The following GATB variants were observed in gnomAD, a reference collection of about 807,000 sequenced individuals.
GATB encodes glutamyl-tRNA(Gln) amidotransferase subunit B, mitochondrial.
GATB carries 39 observed loss-of-function variants against 62.3 expected under a neutral mutation model. The ratio of observed to expected loss-of-function variants is 0.63; its 90% CI spans 0.48 to 0.82. GATB has a LOEUF of 0.82. Among genes scored for constraint, GATB ranks in the 40% least tolerant of loss-of-function variants. The pLI is 0.00. For missense variants in GATB, 670 were observed against 684.0 expected (o/e 0.98, Z 0.23); for synonymous variants, 276 against 258.9 (o/e 1.07, Z -0.63).
chr4:151,750,916 G>C (rs1739709701), intron 2 of GATB, among the ~76,000 whole-genome samples: 1 of 151,706 alleles, frequency 6.6e-6, no homozygotes, highest in Non-Finnish European at 1.5e-5. Context: ...TTACAGGCAC[G>C]AGCCACTGTG....
Position 151,716,893 on chromosome 4 carries a change from A to G in GATB, c.623T>C (p.Ile208Thr), listed in dbSNP as rs148297514. The G allele has an allele frequency of 4.3e-6, 7 of 1,614,066 alleles. No homozygotes were observed. The highest frequency in any genetic ancestry group is 2.7e-5 in the African/African-American group (2 of 74,922). The change falls in exon 4 of 13, where the codon ATT becomes ACT. Residue 208 changes from isoleucine (I) to threonine (T), a missense_variant. Coordinates refer to ENST00000263985, the MANE Select transcript of GATB (RefSeq NM_004564.3). The stretch of plus-strand genomic sequence containing the variant: ...AAGCCTACCTGCCCTGTTCAAATCA[A>G]TGAGCGTCTGAGACCTCAGGTTGTC... Reference protein sequence around the residue: ...LHDNLRSQTLIDLNRAGVGLL... With the variant: ...LHDNLRSQTLTDLNRAGVGLL...
chr4:151,722,102 A>G (rs1739043991), intron 2 of GATB: 2 of 670,110 alleles, frequency 3.0e-6, no homozygotes, highest in South Asian at 1.6e-5. Context: ...TGCCAAGAAA[A>G]AAAGGAATTT....
intron 2 of GATB, among the ~76,000 whole-genome samples, chr4:151,732,323 G>C (rs1739285181): frequency 6.6e-6 from 1 of 152,242 alleles, no homozygotes; most frequent in Non-Finnish European, 1.5e-5. Flanking sequence ...GATTGTTGCT[G>C]TGTCTGTGTA....
At chr4:151,706,433 G>T (rs537685702) in intron 6 of GATB, among the ~76,000 whole-genome samples, 1 of 151,940 alleles carries the variant, frequency 6.6e-6, no homozygotes, top group African/African-American at 2.4e-5. Flanking sequence ...CTACCTACAG[G>T]GGGAGGTGGA....
chr4:151,692,923 C>T (rs1321756043), intron 9 of GATB, among the ~76,000 whole-genome samples: 4 of 152,200 alleles, frequency 2.6e-5, no homozygotes, highest in African/African-American at 7.2e-5. Flanking sequence ...CATCTGCAGA[C>T]GGAACCACAG....
At chr4:151,674,477 C>G (rs1186203018) in intron 11 of GATB, 1 of 152,178 alleles carries the variant, frequency 6.6e-6, no homozygotes, top group Non-Finnish European at 1.5e-5. Flanking sequence ...TACACATTCA[C>G]TGCAGAAAAT....
chr4:151,750,161 G>GT (rs1258222975), intron 2 of GATB, among the ~76,000 whole-genome samples: 2 of 152,268 alleles, frequency 1.3e-5, no homozygotes, highest in Non-Finnish European at 2.9e-5. Context: ...GATTATAGGC[G>GT]TGAGCCACCA....
At chr4:151,736,289 A>G (rs116832254) in intron 2 of GATB, among the ~76,000 whole-genome samples, 2,595 of 152,320 alleles carry the variant, frequency 0.017, 34 homozygotes, top group Middle Eastern at 0.027. Context: ...ATATACATGC[A>G]TAATCAAGAG....
At chr4:151,693,399 G>A (rs188022584) in intron 9 of GATB, among the ~76,000 whole-genome samples, 7 of 152,306 alleles carry the variant, frequency 4.6e-5, no homozygotes, top group East Asian at 3.9e-4. Flanking sequence ...ATCTTTCAGC[G>A]AGTGCTCCTG....
Position 151,701,365 on chromosome 4 carries a change from CTGTTGG to C in GATB, c.1155_1160del (p.Gln386_Gln387del). On this transcript the variant is annotated inframe_deletion, in exon 9 of 13. Transcript: ENST00000263985. Reference sequence around the variant, plus strand: ...AGCTGTGTTCCAGCAGCATCCCATACTGTTGGACAAGCTTCTCTCGGGTCACACTGG... The same window carrying C: ...AGCTGTGTTCCAGCAGCATCCCATACACAAGCTTCTCTCGGGTCACACTGG... 1 of 1,588,352 alleles carries C rather than the reference CTGTTGG, an allele frequency of 6.3e-7. No homozygotes were observed. Among genetic ancestry groups the C allele is most frequent in the South Asian group, 1.2e-5 (1 of 86,594 alleles).
At chr4:151,683,670 C>T (rs933484577) in intron 10 of GATB, among the ~76,000 whole-genome samples, 1 of 152,230 alleles carries the variant, frequency 6.6e-6, no homozygotes, top group Non-Finnish European at 1.5e-5. Flanking sequence ...ATATTTGAGG[C>T]TTGGTGAGTG....
intron 2 of GATB, among the ~76,000 whole-genome samples, chr4:151,750,940 T>C (rs2126998452): frequency 6.6e-6 from 1 of 152,156 alleles, no homozygotes; most frequent in East Asian, 1.9e-4. Flanking sequence ...AGCTGCTAAA[T>C]TATATTTCTA....
chr4:151,701,748 A>T (rs1272932901), intron 8 of GATB, among the ~76,000 whole-genome samples: 1 of 152,228 alleles, frequency 6.6e-6, no homozygotes, highest in Non-Finnish European at 1.5e-5. Context: ...TGAAAGAAGC[A>T]CAACACAGGC....
chr4:151,753,276 T>C (rs951754486), intron 2 of GATB, among the ~76,000 whole-genome samples: 6 of 152,180 alleles, frequency 3.9e-5, no homozygotes, highest in South Asian at 2.1e-4. Flanking sequence ...CTCACTGCAC[T>C]GTACTCAGAC....
intron 9 of GATB, 113 bp downstream of exon 9, chr4:151,701,216 G>A (rs908633917): frequency 3.6e-5 from 28 of 767,128 alleles, no homozygotes; most frequent in Non-Finnish European, 4.3e-5. Flanking sequence ...TACAACCCAA[G>A]AAACACGCCC....
chr4:151,727,897 A>G lies in GATB; in HGVS notation c.328-8359T>C, dbSNP rs570326725. On this transcript the variant is annotated intron_variant, in intron 2 of 12. Transcript: ENST00000263985. ...TCTTTCATATGTTAACTTTTCCAGG[A>G]GGCATGGGAATTTGATGTGAAAAGG... is the stretch of plus-strand genomic sequence containing the variant. 1.4e-4 allele frequency among the ~76,000 whole-genome samples: 22 copies of G among 152,340 alleles called. 1 individual carries two copies. The South Asian group carries it at 4.3e-3, about 30-fold the overall frequency.
chr4:151,686,652 G>GCCCCGCCCC (rs1312222191), intron 10 of GATB, among the ~76,000 whole-genome samples: 1 of 70,978 alleles, frequency 1.4e-5, no homozygotes, highest in African/African-American at 6.3e-5. Flanking sequence ...TCCCCGCCCC[G>GCCCCGCCCC]CCCCCCCCCC....
chr4:151,728,321 G>A (rs1043260038), intron 2 of GATB, among the ~76,000 whole-genome samples: 3 of 152,194 alleles, frequency 2.0e-5, no homozygotes, highest in Non-Finnish European at 4.4e-5. Context: ...TAAGCTAGTA[G>A]CTACTTTTGA....
At chr4:151,682,263 G>C (rs58443173) in intron 10 of GATB, among the ~76,000 whole-genome samples, 2 of 151,962 alleles carry the variant, frequency 1.3e-5, no homozygotes, top group Admixed American at 1.3e-4. Flanking sequence ...ACACCCATAG[G>C]GATGTCTGGC....
Sources: gnomAD v4.1 joint callset for allele counts (sites outside exome capture counted in the v4.1 genomes callset) on GRCh38, gnomAD v4.1.1 for gene constraint, MANE v1.5 for transcripts, NCBI Gene and HGNC (gene_info 2026-07-23, HGNC 2026-07-21) for gene names.